NDE1: variants seen among roughly 807,000 people sequenced by gnomAD.
NDE1 encodes the protein nuclear distribution protein nudE homolog 1.
NDE1 carries 28 observed loss-of-function variants against 43.4 expected under a neutral mutation model. The observed-to-expected ratio is 0.65, with a 90% CI of 0.48 to 0.89. NDE1 has a LOEUF of 0.89. Among genes scored for constraint, NDE1 ranks in the 40% least tolerant of loss-of-function variants. NDE1 has a pLI of 0.00. For synonymous variants in NDE1, 184 were observed against 172.0 expected (o/e 1.07, Z -0.55); for missense variants, 441 against 434.1 (o/e 1.02, Z -0.14).
intron 8 of NDE1, chr16:15,713,123 A>G (rs1296922616): frequency 6.6e-6 from 1 of 151,954 alleles, no homozygotes; most frequent in Non-Finnish European, 1.5e-5. Flanking sequence ...CCATTTGCTG[A>G]TGGAGCAAAT....
In NDE1 at chr16:15,721,732, T is replaced by C. The variant is rs938519947; in HGVS notation, c.948-2459T>C. On this transcript the variant is annotated intron_variant, in intron 8 of 8. Coordinates refer to ENST00000396354, the MANE Select transcript of NDE1 (RefSeq NM_017668.3). ...GAAGCCCTGTGTCCTGCTGAATGTA[T>C]TGAGGTGCAGGTGTAAGCAGTGTAG... is the stretch of plus-strand genomic sequence containing the variant. 1.6e-4 allele frequency: 212 copies of C among 1,289,696 alleles called. No individual in the cohort carries two copies. The highest frequency in any genetic ancestry group is 5.5e-5 in the Non-Finnish European group (49 of 894,056). 79.9% of individuals were successfully genotyped at this position (1,289,696 alleles called of 1,614,324 possible).
chr16:15,688,689 C>CATTTTT (rs2038570876), intron 5 of NDE1, among the ~76,000 whole-genome samples: 1 of 59,990 alleles, frequency 1.7e-5, no homozygotes, highest in Non-Finnish European at 3.0e-5. Flanking sequence ...TTGTTTTTAC[C>CATTTTT]TTTTTTTTTT....
At chr16:15,649,113 T>C (rs1033669036), upstream of NDE1, among the ~76,000 whole-genome samples, 1 of 152,078 alleles carries the variant, frequency 6.6e-6, no homozygotes, top group South Asian at 2.1e-4. Flanking sequence ...GGAGAATTGC[T>C]TGAACTCAGA....
At chr16:15,711,815 C>T (rs2039814355) in intron 8 of NDE1, among the ~76,000 whole-genome samples, 1 of 152,146 alleles carries the variant, frequency 6.6e-6, no homozygotes, top group South Asian at 2.1e-4. Flanking sequence ...GCCTCAGCCT[C>T]CCTAGTAGCT....
intron 7 of NDE1, chr16:15,695,835 A>T: frequency 2.1e-6 from 1 of 467,480 alleles, no homozygotes; most frequent in Non-Finnish European, 2.8e-6. Flanking sequence ...GGGTGCTGTC[A>T]GTGTCCTTTT....
intron 8 of NDE1, chr16:15,703,915 T>A (rs780252094): frequency 6.3e-7 from 1 of 1,593,672 alleles, no homozygotes; most frequent in Non-Finnish European, 8.6e-7. Flanking sequence ...TTGTTCTGGG[T>A]TGTTGTTGGG....
chr16:15,681,747 C>G (rs2038194645), intron 4 of NDE1, among the ~76,000 whole-genome samples: 1 of 152,198 alleles, frequency 6.6e-6, no homozygotes, highest in Admixed American at 6.6e-5. Flanking sequence ...GAGTCTTGCC[C>G]TATGGCCCAG....
In NDE1 at chr16:15,718,167, G is replaced by A. The variant is rs892749335; in HGVS notation, c.948-6024G>A. The A allele has an allele frequency of 8.8e-5, 112 of 1,274,148 alleles. No individual in the cohort carries two copies. In the South Asian group the frequency reaches 1.3e-3, roughly 15 times the overall value. 78.9% of individuals were successfully genotyped at this position (1,274,148 alleles called of 1,614,324 possible). ...GCCTGGGCACTGGTGTAAGGGCCCT[G>A]GATCTCTACTCTCAGGCCCCACCAC... On this transcript the variant is annotated intron_variant, in intron 8 of 8. Coordinates refer to ENST00000396354, the MANE Select transcript of NDE1 (RefSeq NM_017668.3).
intron 8 of NDE1, among the ~76,000 whole-genome samples, chr16:15,710,337 A>G: frequency 6.6e-6 from 1 of 152,120 alleles, no homozygotes; most frequent in East Asian, 1.9e-4. Flanking sequence ...CCCAGCCAGT[A>G]TGGTGAAACC....
chr16:15,718,465 G>T (rs749112529), intron 8 of NDE1: 1 of 1,541,938 alleles, frequency 6.5e-7, no homozygotes, highest in Non-Finnish European at 8.7e-7. Flanking sequence ...CATGGTGGGG[G>T]CCTCTACCCT....
intron 1 of NDE1, among the ~76,000 whole-genome samples, chr16:15,662,321 C>T (rs1332972427): frequency 1.5e-5 from 2 of 131,972 alleles, no homozygotes; most frequent in Admixed American, 8.6e-5. Context: ...CTTGATCTGT[C>T]GCCCAGGCTT....
intron 8 of NDE1, chr16:15,703,692 G>A (rs746787014): frequency 2.0e-5 from 9 of 457,090 alleles, no homozygotes; most frequent in Admixed American, 6.8e-5. Context: ...GGGCTGGAGC[G>A]TTCTTCCTGG....
intron 8 of NDE1, 178 bp from the exon 9 acceptor site, chr16:15,724,013 C>G: frequency 7.1e-7 from 1 of 1,399,636 alleles, no homozygotes; most frequent in Non-Finnish European, 9.8e-7. Flanking sequence ...CCATGGTCGC[C>G]CAAGACAAGA....
intron 3 of NDE1, among the ~76,000 whole-genome samples, chr16:15,674,402 A>C (rs544488301): frequency 4.6e-4 from 70 of 151,448 alleles, no homozygotes; most frequent in African/African-American, 1.7e-3. Context: ...GCACCACCAC[A>C]CTCGGCTAAT....
intron 8 of NDE1, among the ~76,000 whole-genome samples, chr16:15,706,204 A>C (rs1400633822): frequency 6.6e-6 from 1 of 152,030 alleles, no homozygotes; most frequent in East Asian, 1.9e-4. Flanking sequence ...CTTCACAGAG[A>C]AGCTTCTGGA....
rs869069843 is a variant in NDE1 at position 15,690,353 on chromosome 16, C to CTTTTT, written c.524-767_524-763dup. ...GCAACTGGCCTTTTTTTTTTTTTTT[C>CTTTTT]TTTTTTTTTTTTTTTTTTTTTTTTT... On this transcript the variant is annotated intron_variant, in intron 5 of 8. Transcript: ENST00000396354. Among the ~76,000 whole-genome samples the CTTTTT allele has an allele frequency of 1.5e-3, 120 of 80,986 alleles. 5 individuals are homozygous for CTTTTT. The highest frequency in any genetic ancestry group is 0.011 in the Middle Eastern group (1 of 92). The allele number at this position is 80,986 out of a possible 152,430, so 53.1% of individuals were successfully genotyped here.
intron 1 of NDE1, among the ~76,000 whole-genome samples, chr16:15,660,928 C>T (rs2037010197): frequency 6.6e-6 from 1 of 152,122 alleles, no homozygotes; most frequent in Non-Finnish European, 1.5e-5. Flanking sequence ...TGGCATTCTT[C>T]ACTGTTCCAT....
chr16:15,703,487 C>T (rs150385637), intron 8 of NDE1: 26 of 271,564 alleles, frequency 9.6e-5, no homozygotes, highest in African/African-American at 5.6e-4. Flanking sequence ...CTGCACAATC[C>T]ATTGATAGAA....
chr16:15,682,756 G>T (rs923679610), intron 4 of NDE1, among the ~76,000 whole-genome samples: 3 of 152,028 alleles, frequency 2.0e-5, no homozygotes, highest in Admixed American at 2.0e-4. Context: ...ACAGAGTCTT[G>T]CTCTGTAGCC....
Sources: gnomAD v4.1 joint callset for allele counts (sites outside exome capture counted in the v4.1 genomes callset) on GRCh38, gnomAD v4.1.1 for gene constraint, MANE v1.5 for transcripts, NCBI Gene and HGNC (gene_info 2026-07-23, HGNC 2026-07-21) for gene names.